Variants in RANBP1 observed in about 807,000 individuals in gnomAD.
RANBP1 encodes the protein ran-specific GTPase-activating protein.
Under a neutral mutation model 31.4 loss-of-function variants are expected in RANBP1, and 16 were observed. The observed-to-expected ratio is 0.51, with a 90% confidence interval of 0.34 to 0.77. The LOEUF is 0.77. Among genes scored for constraint, RANBP1 ranks in the 30% least tolerant of loss-of-function variants. RANBP1 has a pLI of 0.01. For missense variants in RANBP1, 265 were observed against 362.0 expected (o/e 0.73, Z 2.17); for synonymous variants, 129 against 140.5 (o/e 0.92, Z 0.58).
intron 1 of RANBP1, chr22:20,117,015 G>C: frequency 1.4e-6 from 2 of 1,422,300 alleles, no homozygotes; most frequent in Non-Finnish European, 1.9e-6. Context: ...AGTGCTCAGA[G>C]GGGAGGTGCT....
At chr22:20,122,829 G>C in intron 3 of RANBP1, 1 of 557,890 alleles carries the variant, frequency 1.8e-6, no homozygotes, top group African/African-American at 2.4e-5. Flanking sequence ...TATCTAGGGG[G>C]CTGTGGTGTC....
chr22:20,119,215 C>T (rs910809460), intron 2 of RANBP1, 66 bp downstream of exon 2: 9 of 1,502,344 alleles, frequency 6.0e-6, no homozygotes, highest in African/African-American at 4.2e-5. Context: ...TATGGGTGTC[C>T]AGGTTTTGGC....
In RANBP1 at chr22:20,127,009, C is replaced by T. The variant is rs768710680; in HGVS notation, c.794C>T (p.Ser265Leu). 19 of 1,613,608 alleles carry T rather than the reference C, an allele frequency of 1.2e-5. No individual in the cohort carries two copies. Among genetic ancestry groups the T allele is most frequent in the East Asian group, 2.2e-5 (1 of 44,866 alleles). Residue 265 changes from serine to leucine, a missense_variant, in exon 6 of 6, where the codon TCG becomes TTG. Physicochemically the swap from Ser to Leu is moderately radical, Grantham distance 145 (BLOSUM62 -2). This residue lies in a region of RANBP1 where 49 missense variants were observed against 47.9 expected (regional missense o/e 1.02). Transcript: ENST00000430524. Reference sequence around the variant, plus strand: ...GTGGCGGAAAAGCTAGAAGCTCTCTCGGTGAAGGAGGAGACCAAGGAGGAT... The same window carrying T: ...GTGGCGGAAAAGCTAGAAGCTCTCTTGGTGAAGGAGGAGACCAAGGAGGAT... ...EKVAEKLEAL[S>L]VKEETKEDAE...
chr22:20,116,619 G>A (rs1360355626), intron 1 of RANBP1, 189 bp downstream of exon 1: 13 of 1,529,016 alleles, frequency 8.5e-6, no homozygotes, highest in African/African-American at 1.4e-5. Context: ...GGCCCTGTGT[G>A]GGGACAGATG....
Position 20,116,216 on chromosome 22 carries a change from C to CA in RANBP1, c.33dup (p.Leu12ThrfsTer75), listed in dbSNP as rs1431965263. The stretch of plus-strand genomic sequence containing the variant: ...TCGGCCTTGGGCCGGGCCAGGCGCA[C>CA]ACTGAGTGGGCGGCCTTTCCAGAGG... On this transcript the variant is annotated frameshift_variant, in exon 1 of 6. Transcript: ENST00000430524. LOFTEE classifies it high-confidence loss of function. The CA allele has an allele frequency of 6.2e-7, 1 of 1,613,064 alleles. No homozygotes were observed. Among genetic ancestry groups the CA allele is most frequent in the East Asian group, 2.2e-5 (1 of 44,886 alleles).
chr22:20,118,021 G>A (rs887152360), intron 1 of RANBP1: 3 of 993,346 alleles, frequency 3.0e-6, no homozygotes, highest in Non-Finnish European at 3.6e-6. Flanking sequence ...CCACTAGTAC[G>A]GTGCATTTAT....
chr22:20,117,558 G>T (rs1195610729), intron 1 of RANBP1: 2 of 1,410,694 alleles, frequency 1.4e-6, no homozygotes, highest in East Asian at 6.5e-5. Flanking sequence ...GCCGGCGCCA[G>T]ACGCGGAGGG....
At chr22:20,124,481 G>C (rs2050253825) in intron 3 of RANBP1, 1 of 152,652 alleles carries the variant, frequency 6.6e-6, no homozygotes, top group South Asian at 2.1e-4. Context: ...ATAGTGACGT[G>C]TAGGGGTATC....
In RANBP1 at chr22:20,126,602, C is replaced by T. The variant is rs201174528; in HGVS notation, c.736+234C>T. The T allele has an allele frequency of 3.2e-5, 49 of 1,531,816 alleles. No individual in the cohort carries two copies. In the South Asian group the frequency reaches 4.8e-4, roughly 15 times the overall value. 94.9% of individuals were successfully genotyped at this position (1,531,816 alleles called of 1,614,324 possible). A position where few individuals can be genotyped will look rare whatever the true frequency, so the allele number is the denominator to read the frequency against. On this transcript the variant is annotated intron_variant, in intron 5 of 5. Transcript: ENST00000430524. Reference sequence around the variant, plus strand: ...TTGGGCAGGCATTGGAGTCCGGGCACTGCCTGGAGCTCACCAGAAGGTGCT... The same window carrying T: ...TTGGGCAGGCATTGGAGTCCGGGCATTGCCTGGAGCTCACCAGAAGGTGCT...
Position 20,126,388 on chromosome 22 carries a change from TG to T in RANBP1, c.736+26del, listed in dbSNP as rs766147406. ...AGAAAGGTGACGTGGTGCCATGGGT[TG>T]GGGGGCTTCTTTGCAGACTCACTCT... is the stretch of plus-strand genomic sequence containing the variant. On this transcript the variant is annotated intron_variant, in intron 5 of 5. Coordinates refer to ENST00000430524, the MANE Select transcript of RANBP1 (RefSeq NM_001278639.2). 3 of 1,613,866 alleles carry T rather than the reference TG, an allele frequency of 1.9e-6. No individual in the cohort carries two copies. Among genetic ancestry groups the T allele is most frequent in the African/African-American group, 1.3e-5 (1 of 75,022 alleles).
chr22:20,126,388 T>C lies in RANBP1; in HGVS notation c.736+20T>C. On this transcript the variant is annotated intron_variant, in intron 5 of 5. Transcript: ENST00000430524. ...AGAAAGGTGACGTGGTGCCATGGGTTGGGGGGCTTCTTTGCAGACTCACTC... is the reference window on the plus strand; with the variant it reads ...AGAAAGGTGACGTGGTGCCATGGGTCGGGGGGCTTCTTTGCAGACTCACTC... 6.2e-7 allele frequency: 1 copy of C among 1,613,868 alleles called. No individual in the cohort carries two copies. The highest frequency in any genetic ancestry group is 1.7e-4 in the Middle Eastern group (1 of 6,060).
intron 1 of RANBP1, chr22:20,116,822 G>GCCCCGCCTCCTCCC: frequency 7.1e-7 from 1 of 1,408,404 alleles, no homozygotes; most frequent in Non-Finnish European, 9.7e-7. Flanking sequence ...CAGGTTTCCT[G>GCCCCGCCTCCTCCC]ACCCACCCCG....
intron 1 of RANBP1, among the ~76,000 whole-genome samples, chr22:20,118,752 A>C (rs761550716): frequency 7.9e-5 from 12 of 152,222 alleles, no homozygotes; most frequent in Non-Finnish European, 1.3e-4. Context: ...CAGTCTGTGC[A>C]CAGATCTGAT....
intron 1 of RANBP1, chr22:20,116,794 T>C: frequency 1.4e-6 from 2 of 1,461,544 alleles, no homozygotes; most frequent in East Asian, 2.5e-5. Context: ...ACCTGCCTCG[T>C]CCCCACCTAT....
intron 2 of RANBP1, among the ~76,000 whole-genome samples, chr22:20,119,751 A>G (rs1311840923): frequency 2.6e-5 from 4 of 152,142 alleles, no homozygotes; most frequent in Non-Finnish European, 4.4e-5. Context: ...TCCTGACCTC[A>G]TGATCTGCCC....
At chr22:20,121,484 G>A (rs540567711) in intron 2 of RANBP1, among the ~76,000 whole-genome samples, 1 of 152,186 alleles carries the variant, frequency 6.6e-6, no homozygotes, top group South Asian at 2.1e-4. Flanking sequence ...CCCGACGTCA[G>A]GTGATCCACC....
At chr22:20,117,554 GC>G in intron 1 of RANBP1, 1 of 1,408,778 alleles carries the variant, frequency 7.1e-7, no homozygotes, top group South Asian at 1.4e-5. Context: ...AGGCGCCGGC[GC>G]CAGACGCGGA....
intron 2 of RANBP1, among the ~76,000 whole-genome samples, chr22:20,121,589 G>C (rs1250978129): frequency 6.6e-6 from 1 of 151,952 alleles, no homozygotes; most frequent in African/African-American, 2.4e-5. Flanking sequence ...CTCTCACCCA[G>C]GCTGGAGTGC....
chr22:20,122,218 T>C, intron 2 of RANBP1, 46 bp from the exon 3 acceptor site: 5 of 1,593,220 alleles, frequency 3.1e-6, no homozygotes, highest in Non-Finnish European at 4.3e-6. Context: ...AGGCCCTGCA[T>C]GTGGGCTGCA....
Sources: allele counts gnomAD v4.1 joint callset (sites outside exome capture counted in the v4.1 genomes callset), GRCh38; gene constraint gnomAD v4.1.1; regional missense constraint gnomAD v4.1.1; transcripts MANE v1.5; gene names NCBI Gene and HGNC (gene_info 2026-07-23, HGNC 2026-07-21).